CERS6: variants seen among roughly 807,000 people sequenced by gnomAD.
The protein encoded by CERS6 is ceramide synthase 6, also known as LAG1 homolog, ceramide synthase 6.
CERS6 carries 26 observed loss-of-function variants against 56.8 expected under a neutral mutation model. The observed-to-expected ratio is 0.46, with a 90% CI of 0.34 to 0.63. The LOEUF is 0.63. CERS6 is among the 30% of genes least tolerant of loss of function. CERS6 has a pLI of 0.01. For missense variants in CERS6, 415 were observed against 467.5 expected, an observed-to-expected ratio of 0.89 and a Z score of 1.04; for synonymous variants, 164 against 173.3, an observed-to-expected ratio of 0.95 and a Z score of 0.42.
At chr2:168,508,919 G>T (rs1694729114) in intron 1 of CERS6, among the ~76,000 whole-genome samples, 1 of 152,174 alleles carries the variant, frequency 6.6e-6, no homozygotes, top group Admixed American at 6.5e-5. Context: ...ACTGTTAAGT[G>T]TTTTTAGATT....
chr2:168,522,565 C>T (rs1668212417), intron 1 of CERS6, among the ~76,000 whole-genome samples: 1 of 151,924 alleles, frequency 6.6e-6, no homozygotes, highest in Non-Finnish European at 1.5e-5. Context: ...CAGGGTCTCG[C>T]TCTGTTGCTC....
intron 4 of CERS6, among the ~76,000 whole-genome samples, chr2:168,668,182 T>C (rs1186256921): frequency 6.6e-6 from 1 of 152,200 alleles, no homozygotes; most frequent in Non-Finnish European, 1.5e-5. Flanking sequence ...TGACTTTGCA[T>C]TGTATCCCAT....
At chr2:168,766,457 C>T (rs980288136) in intron 9 of CERS6, 1 of 938,482 alleles carries the variant, frequency 1.1e-6, no homozygotes, top group Non-Finnish European at 1.7e-6. Context: ...CCTATTGGCA[C>T]TGTCTAGAGG....
chr2:168,653,863 C>G (rs1559037794), intron 4 of CERS6, among the ~76,000 whole-genome samples: 1 of 152,184 alleles, frequency 6.6e-6, no homozygotes, highest in Non-Finnish European at 1.5e-5. Context: ...GGAAAATCAT[C>G]TGCTTGAAAG....
intron 3 of CERS6, among the ~76,000 whole-genome samples, chr2:168,574,978 T>C (rs1683224144): frequency 6.6e-6 from 1 of 152,174 alleles, no homozygotes; most frequent in Non-Finnish European, 1.5e-5. Flanking sequence ...CTTTCTGACT[T>C]TTAAAGTGGC....
Position 168,641,597 on chromosome 2 carries a change from A to G in CERS6, c.465+10555A>G, listed in dbSNP as rs190801853. Among the ~76,000 whole-genome samples, 52 of 152,320 alleles carry G rather than the reference A, an allele frequency of 3.4e-4. 3 individuals are homozygous for G. Among genetic ancestry groups the G allele is most frequent in the East Asian group, 3.3e-3 (17 of 5,192 alleles). ...TGGATCCCCTCACCATTGAACACCTATAATGTTAAGCCCTTTAAATCTCTA... is the reference window on the plus strand; with the variant it reads ...TGGATCCCCTCACCATTGAACACCTGTAATGTTAAGCCCTTTAAATCTCTA... On this transcript the variant is annotated intron_variant, in intron 4 of 9. Transcript: ENST00000305747.
intron 1 of CERS6, among the ~76,000 whole-genome samples, chr2:168,482,405 C>A (rs1478422756): frequency 6.6e-6 from 1 of 152,184 alleles, no homozygotes; most frequent in Admixed American, 6.5e-5. Context: ...GCCATAGAAG[C>A]TAAAGTAACC....
At chr2:168,536,846 C>T (rs1213417679) in intron 1 of CERS6, among the ~76,000 whole-genome samples, 4 of 152,088 alleles carry the variant, frequency 2.6e-5, no homozygotes, top group Non-Finnish European at 4.4e-5. Flanking sequence ...AATATTATTA[C>T]AAGTGCTTTT....
chr2:168,594,379 G>A (rs1030208506), intron 3 of CERS6, among the ~76,000 whole-genome samples: 2 of 152,144 alleles, frequency 1.3e-5, no homozygotes, highest in Admixed American at 6.5e-5. Context: ...GAGCCCAGGA[G>A]TTTGAGACCA....
chr2:168,466,951 C>T (rs1381994520), intron 1 of CERS6, among the ~76,000 whole-genome samples: 1 of 152,212 alleles, frequency 6.6e-6, no homozygotes, highest in Non-Finnish European at 1.5e-5. Context: ...AATGTCACAT[C>T]TTATCTTTGA....
chr2:168,640,523 C>T (rs1684964175), intron 4 of CERS6, among the ~76,000 whole-genome samples: 1 of 152,230 alleles, frequency 6.6e-6, no homozygotes, highest in Non-Finnish European at 1.5e-5. Flanking sequence ...GTCTGAGACA[C>T]TAACCTTGTG....
chr2:168,690,312 A>G (rs1686466574), intron 4 of CERS6, among the ~76,000 whole-genome samples: 1 of 152,184 alleles, frequency 6.6e-6, no homozygotes, highest in Non-Finnish European at 1.5e-5. Context: ...TTTTGAAACT[A>G]TGAGAAAGTT....
At chr2:168,619,993 T>A (rs1457816153) in intron 3 of CERS6, among the ~76,000 whole-genome samples, 4 of 135,056 alleles carry the variant, frequency 3.0e-5, no homozygotes, top group Non-Finnish European at 6.3e-5. Flanking sequence ...TGATGGGCAT[T>A]TGGGCTGGTT....
At chr2:168,732,965 T>C (rs1393602697) in intron 8 of CERS6, among the ~76,000 whole-genome samples, 1 of 152,076 alleles carries the variant, frequency 6.6e-6, no homozygotes, top group African/African-American at 2.4e-5. Flanking sequence ...TATATTTACG[T>C]ATGTAAAAAA....
chr2:168,586,004 G>A (rs1683532708), intron 3 of CERS6, among the ~76,000 whole-genome samples: 1 of 152,060 alleles, frequency 6.6e-6, no homozygotes, highest in African/African-American at 2.4e-5. Context: ...AGTTTTTTGA[G>A]ACAGGGTCTT....
At chr2:168,498,887 G>A (rs971566006) in intron 1 of CERS6, among the ~76,000 whole-genome samples, 5 of 152,246 alleles carry the variant, frequency 3.3e-5, no homozygotes, top group Admixed American at 6.5e-5. Context: ...TTAGTGAGGA[G>A]GGGGTATAAT....
chr2:168,710,555 C>G (rs1687064578), intron 6 of CERS6, among the ~76,000 whole-genome samples: 1 of 152,090 alleles, frequency 6.6e-6, no homozygotes, highest in South Asian at 2.1e-4. Flanking sequence ...GTTAATGGAT[C>G]CATTGTTTTG....
intron 1 of CERS6, among the ~76,000 whole-genome samples, chr2:168,489,572 T>A (rs990347882): frequency 1.3e-5 from 2 of 151,534 alleles, no homozygotes; most frequent in African/African-American, 4.8e-5. Context: ...TCTCAACAAA[T>A]TTTTTTTTCT....
At chr2:168,652,060 A>C (rs1285690809) in intron 4 of CERS6, among the ~76,000 whole-genome samples, 2 of 150,968 alleles carry the variant, frequency 1.3e-5, no homozygotes, top group African/African-American at 2.4e-5. Context: ...GCTTCACAAC[A>C]ACCATTACAT....
Sources: gnomAD v4.1 joint callset for allele counts (sites outside exome capture counted in the v4.1 genomes callset) on GRCh38, gnomAD v4.1.1 for gene constraint, MANE v1.5 for transcripts, NCBI Gene and HGNC (gene_info 2026-07-23, HGNC 2026-07-21) for gene names.